Variants in CSMD1 observed in about 807,000 individuals in gnomAD.
CSMD1 encodes the protein CUB and Sushi multiple domains 1.
CSMD1 carries 213 observed loss-of-function variants against 417.5 expected under a neutral mutation model. The ratio of observed to expected loss-of-function variants is 0.51; its 90% confidence interval spans 0.46 to 0.57. The LOEUF is 0.57. Among genes scored for constraint, CSMD1 ranks in the 20% least tolerant of loss-of-function variants. CSMD1 has a pLI of 0.00. For synonymous variants in CSMD1, 2,862 were observed against 1,736.8 expected (o/e 1.65, Z -16.11); for missense variants, 6,923 against 4,529.7 (o/e 1.53, Z -15.17).
rs533300399 is a variant in CSMD1 at position 3,164,440 on chromosome 8, A to C, written c.5726-2163T>G. ...GAAGATAAAACTGCTAAATATGAAA[A>C]AATATATACAATCACTTAGGCCTTT... On this transcript the variant is annotated intron_variant, in intron 37 of 69. Transcript: ENST00000635120. 2.6e-4 allele frequency among the ~76,000 whole-genome samples: 40 copies of C among 152,332 alleles called. 1 individual carries two copies. The highest frequency in any genetic ancestry group is 9.1e-4 in the African/African-American group (38 of 41,572).
intron 51 of CSMD1, among the ~76,000 whole-genome samples, chr8:3,027,511 T>A (rs1447646622): frequency 6.6e-6 from 1 of 152,232 alleles, no homozygotes; most frequent in Non-Finnish European, 1.5e-5. Flanking sequence ...ATCATTTTTT[T>A]AAAAGTCAAC....
chr8:4,053,485 T>C (rs1798539820), intron 3 of CSMD1, among the ~76,000 whole-genome samples: 1 of 152,030 alleles, frequency 6.6e-6, no homozygotes, highest in Non-Finnish European at 1.5e-5. Flanking sequence ...GCCAACGCAA[T>C]ATATTCTTAA....
chr8:4,218,150 C>T (rs376032330), intron 3 of CSMD1, among the ~76,000 whole-genome samples: 2 of 152,176 alleles, frequency 1.3e-5, no homozygotes, highest in African/African-American at 4.8e-5. Flanking sequence ...CTCCTACATG[C>T]TGAACGTTCT....
chr8:3,063,545 CATT>C (rs1375843772), intron 49 of CSMD1, among the ~76,000 whole-genome samples: 1 of 152,162 alleles, frequency 6.6e-6, no homozygotes, highest in Non-Finnish European at 1.5e-5. Context: ...TCCCTAGTAG[CATT>C]ATTCACAATA....
At chr8:3,568,186 G>A (rs1028619514) in intron 10 of CSMD1, among the ~76,000 whole-genome samples, 2 of 152,118 alleles carry the variant, frequency 1.3e-5, no homozygotes, top group African/African-American at 2.4e-5. Context: ...AAGTACTGAT[G>A]TTCACTTGCC....
chr8:3,613,489 C>G (rs1419787051), intron 8 of CSMD1, among the ~76,000 whole-genome samples: 1 of 151,660 alleles, frequency 6.6e-6, no homozygotes, highest in Non-Finnish European at 1.5e-5. Context: ...ATAAAAATAC[C>G]TGTAAAAAAA....
chr8:3,811,863 A>C (rs1412653282), intron 5 of CSMD1, among the ~76,000 whole-genome samples: 1 of 152,154 alleles, frequency 6.6e-6, no homozygotes, highest in Non-Finnish European at 1.5e-5. Context: ...TGTCTTACTT[A>C]AGCCACTATG....
At chr8:4,694,344 C>CT (rs550722091) in intron 1 of CSMD1, among the ~76,000 whole-genome samples, 8 of 151,982 alleles carry the variant, frequency 5.3e-5, no homozygotes, top group African/African-American at 4.8e-5. Context: ...CAAAGTACTT[C>CT]TTTTTTTTAT....
At chr8:4,423,550 A>G (rs1465174313) in intron 2 of CSMD1, among the ~76,000 whole-genome samples, 1 of 152,104 alleles carries the variant, frequency 6.6e-6, no homozygotes, top group East Asian at 1.9e-4. Context: ...AGTTCAAAGA[A>G]ATGCTAAATA....
chr8:4,930,722 G>T (rs535410144), intron 1 of CSMD1, among the ~76,000 whole-genome samples: 3 of 152,076 alleles, frequency 2.0e-5, no homozygotes, highest in African/African-American at 4.8e-5. Context: ...CCATATAATT[G>T]TTACTTTTAG....
intron 26 of CSMD1, among the ~76,000 whole-genome samples, chr8:3,281,104 T>C (rs1260056719): frequency 6.6e-6 from 1 of 152,150 alleles, no homozygotes; most frequent in African/African-American, 2.4e-5. Context: ...GCTTTAGGCA[T>C]AATTGCCAAA....
chr8:3,142,019 G>C (rs192378330), intron 41 of CSMD1, among the ~76,000 whole-genome samples: 1,914 of 152,068 alleles, frequency 0.013, 15 homozygotes, highest in Middle Eastern at 0.031. Flanking sequence ...GGATGGTCTC[G>C]ATCTCCTGAC....
chr8:4,194,332 C>T (rs1316369070), intron 3 of CSMD1, among the ~76,000 whole-genome samples: 1 of 152,074 alleles, frequency 6.6e-6, no homozygotes, highest in Non-Finnish European at 1.5e-5. Context: ...TTAGAAGCTT[C>T]AGGAGAAAAC....
At chr8:3,066,843 T>C (rs900765076) in intron 49 of CSMD1, among the ~76,000 whole-genome samples, 1 of 152,166 alleles carries the variant, frequency 6.6e-6, no homozygotes, top group African/African-American at 2.4e-5. Context: ...GCCTCAAAAA[T>C]GCATGGAATG....
intron 5 of CSMD1, among the ~76,000 whole-genome samples, chr8:3,890,359 A>T (rs1050751996): frequency 6.6e-6 from 1 of 152,126 alleles, no homozygotes; most frequent in Admixed American, 6.5e-5. Flanking sequence ...AGGGTTTACT[A>T]CTTGGTAGGT....
At chr8:3,877,932 C>G (rs1805939353) in intron 5 of CSMD1, among the ~76,000 whole-genome samples, 1 of 151,484 alleles carries the variant, frequency 6.6e-6, no homozygotes, top group African/African-American at 2.4e-5. Flanking sequence ...TGGCCATGAC[C>G]TAAAGCTTTG....
chr8:4,149,908 A>T (rs560409541), intron 3 of CSMD1, among the ~76,000 whole-genome samples: 1 of 152,130 alleles, frequency 6.6e-6, no homozygotes, highest in African/African-American at 2.4e-5. Flanking sequence ...TCAGTAATCT[A>T]CCTCTTGGTG....
intron 10 of CSMD1, among the ~76,000 whole-genome samples, chr8:3,512,717 T>C (rs1462215646): frequency 6.6e-6 from 1 of 151,180 alleles, no homozygotes; most frequent in African/African-American, 2.4e-5. Flanking sequence ...CAAGCAATTC[T>C]CCTGCCTCAG....
intron 3 of CSMD1, among the ~76,000 whole-genome samples, chr8:4,343,519 T>C (rs1198536708): frequency 6.6e-6 from 1 of 152,118 alleles, no homozygotes; most frequent in Non-Finnish European, 1.5e-5. Flanking sequence ...ATATCAAATA[T>C]CAAATTGTAC....
Sources: allele counts gnomAD v4.1 joint callset (sites outside exome capture counted in the v4.1 genomes callset), GRCh38; gene constraint gnomAD v4.1.1; transcripts MANE v1.5; gene names NCBI Gene and HGNC (gene_info 2026-07-23, HGNC 2026-07-21).